Variants in ARHGAP15 observed in about 807,000 individuals in gnomAD.
The protein encoded by ARHGAP15 is rho GTPase-activating protein 15.
ARHGAP15 carries 51 observed loss-of-function variants against 63.7 expected under a neutral mutation model. The observed-to-expected ratio is 0.80, with a 90% CI of 0.64 to 1.01. The LOEUF is 1.01. Ranked by LOEUF, ARHGAP15 falls within the 50% of genes least tolerant of loss-of-function variation. ARHGAP15 has a pLI of 0.00. For synonymous variants in ARHGAP15, 191 were observed against 193.8 expected, an observed-to-expected ratio of 0.99 and a Z score of 0.12; for missense variants, 560 against 564.6, an observed-to-expected ratio of 0.99 and a Z score of 0.08.
chr2:143,243,276 T>C (rs553680324), intron 5 of ARHGAP15, among the ~76,000 whole-genome samples: 1 of 152,316 alleles, frequency 6.6e-6, no homozygotes, highest in East Asian at 1.9e-4. Flanking sequence ...AAAATACTCT[T>C]AGCTATTATT....
intron 9 of ARHGAP15, among the ~76,000 whole-genome samples, chr2:143,500,772 G>A (rs1182257427): frequency 3.9e-5 from 6 of 152,122 alleles, no homozygotes; most frequent in Non-Finnish European, 5.9e-5. Flanking sequence ...GCAGATAGCC[G>A]TCTAAGAAAC....
At chr2:143,227,096 G>A (rs1693240469) in intron 4 of ARHGAP15, among the ~76,000 whole-genome samples, 1 of 152,170 alleles carries the variant, frequency 6.6e-6, no homozygotes, top group Non-Finnish European at 1.5e-5. Context: ...GAAGCAAACT[G>A]CAGCAATATG....
At chr2:143,427,337 C>T (rs977605375) in intron 6 of ARHGAP15, among the ~76,000 whole-genome samples, 1 of 152,114 alleles carries the variant, frequency 6.6e-6, no homozygotes, top group African/African-American at 2.4e-5. Flanking sequence ...TAACTACTAC[C>T]TCCTCCCACA....
intron 13 of ARHGAP15, among the ~76,000 whole-genome samples, chr2:143,766,144 GA>G (rs535161282): frequency 1.5e-3 from 217 of 149,088 alleles, no homozygotes; most frequent in African/African-American, 4.8e-3. Context: ...TTTGTGAAGG[GA>G]AAAAAAAAAT....
intron 8 of ARHGAP15, among the ~76,000 whole-genome samples, chr2:143,467,395 C>T (rs184669123): frequency 1.3e-5 from 2 of 151,860 alleles, no homozygotes; most frequent in East Asian, 3.9e-4. Context: ...ATTTTAAGTA[C>T]TTGTTAGACT....
chr2:143,538,950 G>GA (rs1694911033), intron 10 of ARHGAP15, among the ~76,000 whole-genome samples: 1 of 152,196 alleles, frequency 6.6e-6, no homozygotes, highest in Non-Finnish European at 1.5e-5. Context: ...GTTTCAGAAG[G>GA]AATGGTACCA....
chr2:143,536,497 A>G (rs1694770115), intron 10 of ARHGAP15, among the ~76,000 whole-genome samples: 1 of 148,550 alleles, frequency 6.7e-6, no homozygotes, highest in Admixed American at 6.7e-5. Context: ...AGCATTAGGT[A>G]TATCTCCTAA....
intron 6 of ARHGAP15, among the ~76,000 whole-genome samples, chr2:143,425,487 G>GAT (rs1157934671): frequency 2.6e-5 from 4 of 151,568 alleles, no homozygotes; most frequent in Admixed American, 6.6e-5. Context: ...CATATATAGT[G>GAT]ATATATATAT....
At chr2:143,636,207 C>A (rs1032791112) in intron 12 of ARHGAP15, among the ~76,000 whole-genome samples, 1 of 152,116 alleles carries the variant, frequency 6.6e-6, no homozygotes, top group Non-Finnish European at 1.5e-5. Flanking sequence ...TGGTTACTGT[C>A]TTACAAAGAG....
intron 12 of ARHGAP15, among the ~76,000 whole-genome samples, chr2:143,663,896 A>C (rs1681988108): frequency 6.6e-6 from 1 of 152,202 alleles, no homozygotes; most frequent in Admixed American, 6.5e-5. Flanking sequence ...ATACAGGAGC[A>C]CCCAGATTCA....
Position 143,599,446 on chromosome 2 carries a change from A to G in ARHGAP15, c.1004-24687A>G, listed in dbSNP as rs115702101. On this transcript the variant is annotated intron_variant, in intron 11 of 13. Transcript: ENST00000295095. ...ATTTATCACAAAAATTAATCTGAGC[A>G]TAAGCAATGGGCAATGTGAGTGTTG... Among the ~76,000 whole-genome samples, 625 of 152,266 alleles carry G rather than the reference A, an allele frequency of 4.1e-3. 5 individuals are homozygous for G. Among genetic ancestry groups the G allele is most frequent in the African/African-American group, 0.014 (589 of 41,566 alleles).
chr2:143,511,836 C>A (rs12691681), intron 9 of ARHGAP15, among the ~76,000 whole-genome samples: 135,329 of 152,220 alleles, frequency 0.89, 60,322 homozygotes, highest in East Asian at 1. Flanking sequence ...GCAATCCTAC[C>A]ACAGCACTTA....
At chr2:143,256,764 A>G (rs1680447967) in intron 6 of ARHGAP15, among the ~76,000 whole-genome samples, 1 of 152,114 alleles carries the variant, frequency 6.6e-6, no homozygotes, top group Non-Finnish European at 1.5e-5. Flanking sequence ...ATAAAATTTT[A>G]TAATTAGAGA....
chr2:143,522,853 T>C (rs1408609959), intron 10 of ARHGAP15, among the ~76,000 whole-genome samples: 1 of 152,192 alleles, frequency 6.6e-6, no homozygotes, highest in Non-Finnish European at 1.5e-5. Flanking sequence ...AAGTTCATTT[T>C]TCACTATGTT....
chr2:143,471,314 C>T (rs776635678), intron 8 of ARHGAP15, among the ~76,000 whole-genome samples: 5 of 149,150 alleles, frequency 3.4e-5, no homozygotes, highest in Admixed American at 1.3e-4. Flanking sequence ...TATGCACACA[C>T]ATACTGAGCA....
chr2:143,736,322 G>C (rs1307227004), intron 13 of ARHGAP15, among the ~76,000 whole-genome samples: 2 of 152,044 alleles, frequency 1.3e-5, no homozygotes, highest in Non-Finnish European at 2.9e-5. Flanking sequence ...TTTGAACCCA[G>C]GAGGTGGAGG....
At chr2:143,138,900 T>C (rs921258656) in intron 1 of ARHGAP15, among the ~76,000 whole-genome samples, 2 of 152,114 alleles carry the variant, frequency 1.3e-5, no homozygotes, top group Admixed American at 1.3e-4. Flanking sequence ...ATTATTAAAA[T>C]TAATTTCACT....
intron 1 of ARHGAP15, among the ~76,000 whole-genome samples, chr2:143,150,234 G>C (rs1689762699): frequency 6.6e-6 from 1 of 151,984 alleles, no homozygotes; most frequent in Non-Finnish European, 1.5e-5. Flanking sequence ...TGCTGTTGAT[G>C]TGAAAGAGAT....
chr2:143,245,528 A>T (rs1694016191), intron 5 of ARHGAP15, among the ~76,000 whole-genome samples: 1 of 152,180 alleles, frequency 6.6e-6, no homozygotes, highest in African/African-American at 2.4e-5. Flanking sequence ...ACATGAATTG[A>T]GGAGAAGGAC....
Sources: allele counts gnomAD v4.1 joint callset (sites outside exome capture counted in the v4.1 genomes callset), GRCh38; gene constraint gnomAD v4.1.1; transcripts MANE v1.5; gene names NCBI Gene and HGNC (gene_info 2026-07-23, HGNC 2026-07-21).